Variants in CBR4 observed in about 807,000 individuals in gnomAD.
CBR4 encodes the protein 3-oxoacyl-[acyl-carrier-protein] reductase.
CBR4 carries 22 observed loss-of-function variants against 21.0 expected under a neutral mutation model. That is an observed-to-expected ratio of 1.05 (90% confidence interval 0.75 to 1.50). The LOEUF (loss-of-function observed/expected upper bound fraction) is 1.50, where lower values mean the gene tolerates loss of function less well. Among genes scored for constraint, CBR4 ranks in the 40% most tolerant of loss-of-function variants. The pLI is 0.00. For missense variants in CBR4, 302 were observed against 286.3 expected (o/e 1.05, Z -0.40); for synonymous variants, 100 against 104.4 (o/e 0.96, Z 0.26).
At position 168,987,691 on chromosome 4, in the gene CBR4, A is replaced by G. The variant is rs1056392441; in HGVS notation, c.*2459T>C. The G allele has an allele frequency of 5.1e-6, 5 of 982,484 alleles. No individual in the cohort carries two copies. Among genetic ancestry groups the G allele is most frequent in the Non-Finnish European group, 6.0e-6 (5 of 827,310 alleles). The allele number at this position is 982,484 out of a possible 1,614,324, so 60.9% of individuals were successfully genotyped here. A position where few individuals can be genotyped will look rare whatever the true frequency, so the allele number is the denominator to read the frequency against. On this transcript the variant is annotated 3_prime_UTR_variant, in exon 5 of 5. Coordinates refer to ENST00000306193, the MANE Select transcript of CBR4 (RefSeq NM_032783.5). ...CACATATTCCTTTTGAAAATCTTAGAAAAAATGTTTCACCAATGTTAAGGT... is the reference window on the plus strand; with the variant it reads ...CACATATTCCTTTTGAAAATCTTAGGAAAAATGTTTCACCAATGTTAAGGT...
Position 168,987,873 on chromosome 4 carries a change from T to C in CBR4, c.*2277A>G, listed in dbSNP as rs1270318242. ...GCAGTTACAAACCATAAATTGAATA[T>C]GAATAAAATATGAAAAAGAGCACAA... On this transcript the variant is annotated 3_prime_UTR_variant, in exon 5 of 5. Transcript: ENST00000306193. 2 of 980,732 alleles carry C rather than the reference T, an allele frequency of 2.0e-6. No individual in the cohort carries two copies. Among genetic ancestry groups the C allele is most frequent in the Admixed American group, 6.2e-5 (1 of 16,246 alleles). The allele number at this position is 980,732 out of a possible 1,614,324, so 60.8% of individuals were successfully genotyped here. A position where few individuals can be genotyped will look rare whatever the true frequency, so the allele number is the denominator to read the frequency against.
intron 2 of CBR4, among the ~76,000 whole-genome samples, chr4:168,923,333 T>C (rs527785048): frequency 6.6e-6 from 1 of 152,314 alleles, no homozygotes; most frequent in South Asian, 2.1e-4. Flanking sequence ...TTTTCATCCT[T>C]TTTGAGCTCT....
At chr4:168,972,416 G>A (rs766963063) in intron 2 of CBR4, among the ~76,000 whole-genome samples, 1 of 152,164 alleles carries the variant, frequency 6.6e-6, no homozygotes, top group Non-Finnish European at 1.5e-5. Flanking sequence ...CCATGAGCAT[G>A]GGATGTGTTT....
intron 2 of CBR4, among the ~76,000 whole-genome samples, chr4:168,942,404 A>G (rs995196614): frequency 1.1e-4 from 16 of 151,552 alleles, no homozygotes; most frequent in Admixed American, 3.3e-4. Context: ...AGTACAATTT[A>G]AAAAAAAAGA....
In CBR4 at chr4:168,988,109, A is replaced by T. The variant is rs1309974147; in HGVS notation, c.*2041T>A. ...TGAGGTTCTTAAACCTCTGAACATA[A>T]GGCAACAGTTCACAACTGATTTCAG... On this transcript the variant is annotated 3_prime_UTR_variant, in exon 5 of 5. Coordinates refer to ENST00000306193, the MANE Select transcript of CBR4 (RefSeq NM_032783.5). 1 of 985,276 alleles carries T rather than the reference A, an allele frequency of 1.0e-6. No homozygotes were observed. The highest frequency in any genetic ancestry group is 6.1e-5 in the Admixed American group (1 of 16,266). 61.0% of individuals were successfully genotyped at this position (985,276 alleles called of 1,614,324 possible).
intron 2 of CBR4, among the ~76,000 whole-genome samples, chr4:168,929,556 A>G (rs1762903111): frequency 6.6e-6 from 1 of 152,048 alleles, no homozygotes; most frequent in South Asian, 2.1e-4. Context: ...AGTAGCTACA[A>G]CCTCCTTTAT....
chr4:168,957,604 T>G (rs1484986629), intron 2 of CBR4, among the ~76,000 whole-genome samples: 1 of 152,214 alleles, frequency 6.6e-6, no homozygotes, highest in Non-Finnish European at 1.5e-5. Flanking sequence ...AGTTTTCTCA[T>G]GCACCTTGTA....
intron 2 of CBR4, chr4:168,924,795 T>A (rs1192974781): frequency 1.3e-6 from 1 of 757,450 alleles, no homozygotes; most frequent in Non-Finnish European, 2.2e-6. Context: ...TTAACTTTAA[T>A]GGAGCTAGTA....
At position 168,949,751 on chromosome 4, in the gene CBR4, CTTTT is replaced by C. The variant is rs556755423; in HGVS notation, n.169+52316_169+52319del. 2.0e-5 allele frequency among the ~76,000 whole-genome samples: 3 copies of C among 151,742 alleles called. No homozygotes were observed. The East Asian group carries it at 5.9e-4, about 30-fold the overall frequency. On this transcript the variant is annotated intron_variant and non_coding_transcript_variant, in intron 2 of 3. Transcript: ENST00000509108. ...TGCTGTGAATCTGTCTGGTCCTGGA[CTTTT>C]TTTTGTTAATTTTTAAATTACCATT...
chr4:168,934,555 C>A (rs1763058482), intron 2 of CBR4, among the ~76,000 whole-genome samples: 1 of 151,880 alleles, frequency 6.6e-6, no homozygotes, highest in Non-Finnish European at 1.5e-5. Flanking sequence ...TCATGAACAA[C>A]CATATGCCAA....
At chr4:168,970,901 A>G (rs1319091186) in intron 2 of CBR4, among the ~76,000 whole-genome samples, 1 of 152,020 alleles carries the variant, frequency 6.6e-6, no homozygotes, top group Non-Finnish European at 1.5e-5. Context: ...GGCTGGTTCC[A>G]GATTTTTGCA....
rs142635932 is a variant in CBR4, at chr4:168,941,104, T to C, written n.170-46339A>G. On this transcript the variant is annotated intron_variant and non_coding_transcript_variant, in intron 2 of 3. Transcript: ENST00000509108. ...CAATAACAGAAAACCAAACACCACA[T>C]GTTCTCACTCATAAGTGGGAGTTGA... Among the ~76,000 whole-genome samples the C allele has an allele frequency of 4.5e-3, 687 of 152,216 alleles. 1 individual carries two copies. Among genetic ancestry groups the C allele is most frequent in the African/African-American group, 0.016 (654 of 41,528 alleles).
chr4:168,964,962 T>C lies in CBR4; in HGVS notation n.169+37109A>G, dbSNP rs112578689. The stretch of plus-strand genomic sequence containing the variant: ...TTTTGTTTTTGTTTTGGTATCCATG[T>C]ATCAAACTAAAACTTTGCAGATGAC... On this transcript the variant is annotated intron_variant and non_coding_transcript_variant, in intron 2 of 3. Coordinates refer to the CBR4 transcript ENST00000509108. Among the ~76,000 whole-genome samples the C allele has an allele frequency of 9.3e-4, 141 of 152,282 alleles. 1 individual carries two copies. Among genetic ancestry groups the C allele is most frequent in the African/African-American group, 3.3e-3 (136 of 41,554 alleles).
chr4:168,963,470 C>CTTT (rs398064262), intron 2 of CBR4, among the ~76,000 whole-genome samples: 1 of 137,534 alleles, frequency 7.3e-6, no homozygotes, highest in Non-Finnish European at 1.6e-5. Flanking sequence ...CTGTATAAAT[C>CTTT]TTTTTTTTTT....
rs137870085 is a variant in CBR4, at chr4:168,997,300, A to C, written c.535+4771T>G. On this transcript the variant is annotated intron_variant, in intron 4 of 4. Transcript: ENST00000306193. ...GACAAGCATTAAACCAATTTAGAGC[A>C]AAGATACTTCTAGTTTAGTTCCATA... Among the ~76,000 whole-genome samples, 738 of 152,360 alleles carry C rather than the reference A, an allele frequency of 4.8e-3. 7 individuals are homozygous for C. The highest frequency in any genetic ancestry group is 5.5e-3 in the Admixed American group (84 of 15,306).
intron 2 of CBR4, among the ~76,000 whole-genome samples, chr4:168,951,377 A>T (rs1763536728): frequency 6.6e-6 from 1 of 152,174 alleles, no homozygotes; most frequent in Admixed American, 6.5e-5. Flanking sequence ...TTTTAAGTGG[A>T]TCATTTAGGC....
At chr4:168,935,259 TTCCCACGGTTTTTGCAACCA>T (rs929386568) in intron 2 of CBR4, among the ~76,000 whole-genome samples, 4 of 152,194 alleles carry the variant, frequency 2.6e-5, no homozygotes, top group Non-Finnish European at 5.9e-5. Context: ...TACCACGCTT[TTCCCACGGTTTTTGCAACCA>T]TAGACCAGAT....
chr4:169,000,750 C>G (rs1218276869), intron 4 of CBR4, among the ~76,000 whole-genome samples: 2 of 152,138 alleles, frequency 1.3e-5, no homozygotes, highest in Non-Finnish European at 2.9e-5. Context: ...TTCTAGCACA[C>G]CAGCTAATTA....
At chr4:168,962,682 G>A (rs1763896050) in intron 2 of CBR4, among the ~76,000 whole-genome samples, 1 of 152,140 alleles carries the variant, frequency 6.6e-6, no homozygotes, top group South Asian at 2.1e-4. Context: ...AAAAGCTAAA[G>A]TGAAGATATA....
Sources: allele counts gnomAD v4.1 joint callset (sites outside exome capture counted in the v4.1 genomes callset), GRCh38; gene constraint gnomAD v4.1.1; transcripts MANE v1.5; gene names NCBI Gene and HGNC (gene_info 2026-07-23, HGNC 2026-07-21).